Variants in REEP5 observed in about 807,000 individuals in gnomAD.
REEP5 encodes receptor accessory protein 5, also known as receptor expression-enhancing protein 5.
REEP5 carries 24 observed loss-of-function variants against 22.4 expected under a neutral mutation model. The ratio of observed to expected loss-of-function variants is 1.07; its 90% CI spans 0.78 to 1.51. The LOEUF is 1.51. Ranked by LOEUF, REEP5 falls within the 40% of genes most tolerant of loss-of-function variation. REEP5 has a pLI of 0.00. For missense variants in REEP5, 252 were observed against 233.0 expected, an observed-to-expected ratio of 1.08 and a Z score of -0.53; for synonymous variants, 103 against 88.6, an observed-to-expected ratio of 1.16 and a Z score of -0.92.
intron 2 of REEP5, among the ~76,000 whole-genome samples, chr5:112,911,893 A>T (rs1769111480): frequency 6.6e-6 from 1 of 152,230 alleles, no homozygotes; most frequent in South Asian, 2.1e-4. Context: ...GAAAAAAATA[A>T]TAAGACAAGG....
intron 2 of REEP5, among the ~76,000 whole-genome samples, chr5:112,904,752 T>G (rs1768918505): frequency 6.6e-6 from 1 of 152,204 alleles, no homozygotes; most frequent in Non-Finnish European, 1.5e-5. Context: ...TCCATTCTAT[T>G]TCATTATTTT....
intron 3 of REEP5, chr5:112,895,185 G>A (rs1485207603): frequency 7.9e-6 from 1 of 126,306 alleles, no homozygotes; most frequent in East Asian, 2.6e-4. Context: ...GTTACAGTGA[G>A]CTGAGATTGC....
At chr5:112,887,718 T>G (rs1230051391) in intron 3 of REEP5, among the ~76,000 whole-genome samples, 2 of 152,164 alleles carry the variant, frequency 1.3e-5, no homozygotes, top group African/African-American at 4.8e-5. Flanking sequence ...TCTTTACAGT[T>G]GTTCTTCATC....
intron 2 of REEP5, 67 bp downstream of exon 2, chr5:112,921,096 T>C: frequency 6.8e-7 from 1 of 1,474,836 alleles, no homozygotes; most frequent in Non-Finnish European, 9.4e-7. Flanking sequence ...ATGTGCAGTC[T>C]ACTGCAGCAG....
At chr5:112,882,448 A>G (rs1561646265) in intron 4 of REEP5, among the ~76,000 whole-genome samples, 1 of 152,164 alleles carries the variant, frequency 6.6e-6, no homozygotes. Flanking sequence ...CCCTCACTTC[A>G]TAGTTCTTGC....
At chr5:112,897,133 T>C (rs542603325) in intron 3 of REEP5, 5 of 152,172 alleles carry the variant, frequency 3.3e-5, no homozygotes, top group African/African-American at 1.2e-4. Flanking sequence ...ACTGTGTTAA[T>C]TGAAAAAAGC....
chr5:112,895,254 A>ATAAAAAAAT (rs1561652986), intron 3 of REEP5: 2 of 151,386 alleles, frequency 1.3e-5, no homozygotes, highest in Admixed American at 1.3e-4. Flanking sequence ...AAAAAAAAAA[A>ATAAAAAAAT]AAAATCAGGA....
chr5:112,906,028 A>G (rs1466763428), intron 2 of REEP5, among the ~76,000 whole-genome samples: 1 of 152,226 alleles, frequency 6.6e-6, no homozygotes, highest in Non-Finnish European at 1.5e-5. Context: ...TCATATTCCA[A>G]CTTGGTGTAT....
chr5:112,910,505 T>A (rs1278972026), intron 2 of REEP5, among the ~76,000 whole-genome samples: 2 of 152,196 alleles, frequency 1.3e-5, no homozygotes, highest in Admixed American at 1.3e-4. Context: ...ACCTAGGCAT[T>A]CTATAATACC....
rs1252531405 is a variant in REEP5 at position 112,902,428 on chromosome 5, G to C, written c.303C>G (p.Phe101Leu). The stretch of plus-strand genomic sequence containing the variant: ...ACCATGACAGGAAGATATCAGAGAA[G>C]AATTCAGCAATGCTGAACACACCAT... ...VVYGVFSIAE[F>L]FSDIFLSWFP... Residue 101 changes from phenylalanine to leucine, a missense_variant, in exon 3 of 5, where the codon TTC becomes TTG. Coordinates refer to ENST00000379638, the MANE Select transcript of REEP5 (RefSeq NM_005669.5). 4 of 1,613,088 alleles carry C rather than the reference G, an allele frequency of 2.5e-6. No homozygotes were observed. Among genetic ancestry groups the C allele is most frequent in the South Asian group, 1.1e-5 (1 of 90,892 alleles).
intron 2 of REEP5, among the ~76,000 whole-genome samples, chr5:112,905,307 G>A (rs1364416135): frequency 4.6e-5 from 7 of 152,100 alleles, no homozygotes; most frequent in African/African-American, 9.7e-5. Context: ...TTGGGAGGCC[G>A]AGGTGGGCAG....
intron 2 of REEP5, among the ~76,000 whole-genome samples, chr5:112,912,272 T>C (rs1769121363): frequency 6.6e-6 from 1 of 152,204 alleles, no homozygotes. Flanking sequence ...GTTCTGTGCA[T>C]GGTTCATAAG....
intron 2 of REEP5, among the ~76,000 whole-genome samples, chr5:112,903,961 A>G (rs950894718): frequency 1.3e-5 from 2 of 152,194 alleles, no homozygotes; most frequent in Admixed American, 6.5e-5. Context: ...CCTCCCAAGT[A>G]GCTGGTACTA....
At chr5:112,897,391 ACAC>A (rs1330363914) in intron 3 of REEP5, 5 of 151,834 alleles carry the variant, frequency 3.3e-5, no homozygotes, top group African/African-American at 1.2e-4. Context: ...ACACACACAC[ACAC>A]AAATGTAAAC....
chr5:112,894,841 T>G (rs915800315), intron 3 of REEP5: 22 of 152,312 alleles, frequency 1.4e-4, no homozygotes, highest in Middle Eastern at 3.4e-3. Context: ...TATTCCTACA[T>G]AGAATATCTG....
intron 2 of REEP5, among the ~76,000 whole-genome samples, chr5:112,916,241 G>C (rs1991502): frequency 6.6e-6 from 1 of 152,202 alleles, no homozygotes; most frequent in Non-Finnish European, 1.5e-5. Context: ...AACTCTTGTA[G>C]ATATTTTCAT....
chr5:112,916,314 A>G (rs1216839765), intron 2 of REEP5, among the ~76,000 whole-genome samples: 2 of 152,206 alleles, frequency 1.3e-5, no homozygotes, highest in African/African-American at 4.8e-5. Flanking sequence ...GATAGGGGTC[A>G]TCCCCAAACA....
At chr5:112,892,758 C>T in intron 3 of REEP5, 1 of 1,613,928 alleles carries the variant, frequency 6.2e-7, no homozygotes, top group South Asian at 1.1e-5. Context: ...AGAAGATGGG[C>T]CACCACGACC....
At chr5:112,899,270 T>C (rs1010412017) in intron 3 of REEP5, among the ~76,000 whole-genome samples, 1 of 151,700 alleles carries the variant, frequency 6.6e-6, no homozygotes, top group Non-Finnish European at 1.5e-5. Flanking sequence ...CGGTTTTTTT[T>C]TTTTTGGTCA....
Sources: allele counts gnomAD v4.1 joint callset (sites outside exome capture counted in the v4.1 genomes callset), GRCh38; gene constraint gnomAD v4.1.1; transcripts MANE v1.5; gene names NCBI Gene and HGNC (gene_info 2026-07-23, HGNC 2026-07-21).